ABCC9: variants seen among roughly 807,000 people sequenced by gnomAD.
ABCC9 encodes the protein ATP binding cassette subfamily C member 9.
ABCC9 carries 95 observed loss-of-function variants against 188.3 expected under a neutral mutation model. The ratio of observed to expected loss-of-function variants is 0.50; its 90% CI spans 0.43 to 0.60. The LOEUF (loss-of-function observed/expected upper bound fraction) is 0.60, where lower values mean the gene tolerates loss of function less well. ABCC9 is among the 20% of genes least tolerant of loss of function. The pLI is 0.00. For synonymous variants in ABCC9, 659 were observed against 652.7 expected (o/e 1.01, Z -0.15); for missense variants, 1,102 against 1,876.3 (o/e 0.59, Z 7.62).
At chr12:21,812,695 C>T (rs1014158585) in intron 35 of ABCC9, among the ~76,000 whole-genome samples, 1 of 151,778 alleles carries the variant, frequency 6.6e-6, no homozygotes, top group Non-Finnish European at 1.5e-5. Context: ...ACTGGGGCCT[C>T]TCGAGGGGTA....
At chr12:21,881,179 T>A (rs1039616570) in intron 16 of ABCC9, among the ~76,000 whole-genome samples, 4 of 152,150 alleles carry the variant, frequency 2.6e-5, no homozygotes, top group Admixed American at 6.5e-5. Context: ...GGGAAAAATA[T>A]AAGAAGACAG....
chr12:21,807,314 G>A (rs375329597), intron 38 of ABCC9, 32 bp downstream of exon 38: 214 of 1,613,284 alleles, frequency 1.3e-4, no homozygotes, highest in African/African-American at 1.7e-4. Context: ...TCTCCAATTC[G>A]TCAATTTTAA....
In ABCC9 at chr12:21,845,826, T is replaced by G; in HGVS notation, c.2873A>C (p.Glu958Ala). 1 of 1,613,008 alleles carries G rather than the reference T, an allele frequency of 6.2e-7. No individual in the cohort carries two copies. The highest frequency in any genetic ancestry group is 1.1e-5 in the South Asian group (1 of 91,046). ...GTTATCATCCTCATCTTCCTCCTCT[T>G]CTTCCTCTACATACAAAAAACTTTT... ...AQMEDEDEEE[E>A]EEEDEDDNMS... is the part of the protein sequence containing the mutation. The change falls in exon 26 of 40, where the codon GAA (glutamate) becomes GCA (alanine). Residue 958 changes from glutamate (E) to alanine (A), a missense_variant. By Grantham distance (107) the Glu-to-Ala change is moderately radical (BLOSUM62 -1). Around this residue, in one of 12 missense-constraint regions of ABCC9, gnomAD observed 131 missense variants for 170.2 expected, o/e 0.77. Coordinates refer to ENST00000261200, the MANE Select transcript of ABCC9 (RefSeq NM_020297.4).
At chr12:21,886,671 G>A (rs1473514090) in intron 15 of ABCC9, among the ~76,000 whole-genome samples, 1 of 152,002 alleles carries the variant, frequency 6.6e-6, no homozygotes, top group Non-Finnish European at 1.5e-5. Context: ...CCTATTGCAT[G>A]TCAATAAAAT....
intron 12 of ABCC9, among the ~76,000 whole-genome samples, chr12:21,902,575 G>T (rs183746219): frequency 6.6e-6 from 1 of 151,844 alleles, no homozygotes; most frequent in Admixed American, 6.6e-5. Context: ...AAAGAGAGAA[G>T]AATCAAATAG....
chr12:21,934,618 T>C (rs967785345), intron 3 of ABCC9, among the ~76,000 whole-genome samples: 2 of 152,108 alleles, frequency 1.3e-5, no homozygotes, highest in East Asian at 1.9e-4. Flanking sequence ...AGTTACTACG[T>C]AGAGTAATAC....
Position 21,912,318 on chromosome 12 carries a change from T to C in ABCC9, c.1011+554A>G, listed in dbSNP as rs141218124. On this transcript the variant is annotated intron_variant, in intron 8 of 39. Transcript: ENST00000261200. ...TTAAAAGTAGAAAATAAAAATTATA[T>C]ATTTATGATCATAAACACGCAGTAT... Among the ~76,000 whole-genome samples, 1,115 of 152,128 alleles carry C rather than the reference T, an allele frequency of 7.3e-3. 6 individuals carry two copies. The highest frequency in any genetic ancestry group is 0.01 in the Middle Eastern group (3 of 294).
intron 29 of ABCC9, among the ~76,000 whole-genome samples, chr12:21,841,524 A>G (rs1208179404): frequency 2.7e-5 from 4 of 150,498 alleles, no homozygotes; most frequent in African/African-American, 9.8e-5. Context: ...ACGCCTGGCT[A>G]ATTTTTGTAT....
chr12:21,845,111 C>G (rs1944580116), intron 26 of ABCC9, among the ~76,000 whole-genome samples, 196 bp from the exon 27 acceptor site: 1 of 146,370 alleles, frequency 6.8e-6, no homozygotes, highest in Admixed American at 7.1e-5. Flanking sequence ...CCTCCACCTG[C>G]TCCCTTCACT....
Position 21,800,732 on chromosome 12 carries a change from A to T in ABCC9, c.*312T>A. On this transcript the variant is annotated 3_prime_UTR_variant, in exon 40 of 40. Coordinates refer to ENST00000261200, the MANE Select transcript of ABCC9 (RefSeq NM_020297.4). ...ATTGACACTTCCATTCCTGAGAGATATTTACCAGACTTAAAGTTAGGAGAA... is the reference window on the plus strand; with the variant it reads ...ATTGACACTTCCATTCCTGAGAGATTTTTACCAGACTTAAAGTTAGGAGAA... 2.8e-6 allele frequency: 1 copy of T among 359,142 alleles called. No individual in the cohort carries two copies. The highest frequency in any genetic ancestry group is 6.8e-5 in the East Asian group (1 of 14,698). 22.2% of individuals were successfully genotyped at this position (359,142 alleles called of 1,614,324 possible).
In ABCC9 at chr12:21,864,494, C is replaced by G. The variant is rs191677545; in HGVS notation, c.2199-17G>C. 1.5e-5 allele frequency: 24 copies of G among 1,558,642 alleles called. No individual in the cohort carries two copies. The highest frequency in any genetic ancestry group is 2.1e-5 in the Non-Finnish European group (24 of 1,129,948). On this transcript the variant is annotated splice_polypyrimidine_tract_variant and intron_variant, in intron 18 of 39. Coordinates refer to ENST00000261200, the MANE Select transcript of ABCC9 (RefSeq NM_020297.4). ...TCATTTACACTGCAAGTATGGCAAA[C>G]AATGTTCATTAATTATGAAGTAGAA...
chr12:21,802,247 A>G (rs947121073), intron 39 of ABCC9, among the ~76,000 whole-genome samples: 1 of 152,246 alleles, frequency 6.6e-6, no homozygotes, highest in South Asian at 2.1e-4. Context: ...GATAATCCAT[A>G]TCAAAAATTC....
At chr12:21,821,311 T>C (rs754559583) in intron 31 of ABCC9, among the ~76,000 whole-genome samples, 1 of 152,224 alleles carries the variant, frequency 6.6e-6, no homozygotes. Context: ...TGACTGTCTC[T>C]TAAAAAGCTT....
chr12:21,905,997 G>T (rs917776397), intron 12 of ABCC9, 129 bp downstream of exon 12: 1 of 1,041,044 alleles, frequency 9.6e-7, no homozygotes, highest in Non-Finnish European at 1.5e-6. Flanking sequence ...TGGACAGCAC[G>T]TGTTTAGAAA....
intron 12 of ABCC9, among the ~76,000 whole-genome samples, chr12:21,905,008 A>G (rs549252387): frequency 2.0e-5 from 3 of 152,240 alleles, no homozygotes; most frequent in Non-Finnish European, 4.4e-5. Flanking sequence ...TATTCACAAT[A>G]GCAAAGACTT....
At chr12:21,927,064 A>G (rs1227953474) in intron 4 of ABCC9, among the ~76,000 whole-genome samples, 1 of 152,240 alleles carries the variant, frequency 6.6e-6, no homozygotes, top group East Asian at 1.9e-4. Context: ...GAACTGAAAT[A>G]TGGAAAGGAA....
At chr12:21,928,460 G>T (rs1949139400) in intron 4 of ABCC9, among the ~76,000 whole-genome samples, 1 of 149,288 alleles carries the variant, frequency 6.7e-6, no homozygotes, top group Admixed American at 6.7e-5. Context: ...GAGGGAGGAA[G>T]AAAGGAAGGA....
intron 4 of ABCC9, among the ~76,000 whole-genome samples, chr12:21,926,279 C>A (rs2138002613): frequency 6.6e-6 from 1 of 152,242 alleles, no homozygotes; most frequent in Admixed American, 6.5e-5. Context: ...AAGTAAACAA[C>A]AAAACTATAC....
At chr12:21,812,243 G>T in intron 35 of ABCC9, 86 bp from the exon 36 acceptor site, 1 of 1,044,358 alleles carries the variant, frequency 9.6e-7, no homozygotes, top group Non-Finnish European at 1.5e-6. Flanking sequence ...TTATTTCTTA[G>T]TTAGGGGTTG....
Sources: gnomAD v4.1 joint callset for allele counts (sites outside exome capture counted in the v4.1 genomes callset) on GRCh38, gnomAD v4.1.1 for gene constraint, gnomAD v4.1.1 regional missense constraint, MANE v1.5 for transcripts, NCBI Gene and HGNC (gene_info 2026-07-23, HGNC 2026-07-21) for gene names.